The following COMMD10 variants were observed in gnomAD, a reference collection of about 807,000 sequenced individuals.
The protein encoded by COMMD10 is COMM domain containing 10.
Under a neutral mutation model 28.9 loss-of-function variants are expected in COMMD10, and 33 were observed. The ratio of observed to expected loss-of-function variants is 1.14; its 90% confidence interval spans 0.87 to 1.53. The LOEUF (loss-of-function observed/expected upper bound fraction) is 1.53. COMMD10 is among the 40% of genes most tolerant of loss of function. The probability of loss-of-function intolerance (pLI) is 0.00; values close to 1 mark genes in which losing one functional copy is unlikely to be tolerated. For missense variants in COMMD10, 310 were observed against 233.4 expected, an observed-to-expected ratio of 1.33 and a Z score of -2.14; for synonymous variants, 110 against 81.7, an observed-to-expected ratio of 1.35 and a Z score of -1.87.
intron 5 of COMMD10, among the ~76,000 whole-genome samples, chr5:116,207,531 A>AT (rs70978609): frequency 0.59 from 89,588 of 151,208 alleles, 30,636 homozygotes; most frequent in South Asian, 0.77. Context: ...AGTATTTCAG[A>AT]TTTTTTTTTC....
At chr5:116,181,183 G>A (rs1747945754) in intron 5 of COMMD10, among the ~76,000 whole-genome samples, 1 of 151,938 alleles carries the variant, frequency 6.6e-6, no homozygotes, top group South Asian at 2.1e-4. Flanking sequence ...TATTATTGCT[G>A]TACTTTCATT....
Position 116,260,463 on chromosome 5 carries a change from A to G in COMMD10, c.511-31054A>G, listed in dbSNP as rs567055468. Among the ~76,000 whole-genome samples, 23 of 151,976 alleles carry G rather than the reference A, an allele frequency of 1.5e-4. 1 individual carries two copies. The highest frequency in any genetic ancestry group is 5.6e-4 in the African/African-American group (23 of 41,338). On this transcript the variant is annotated intron_variant, in intron 5 of 6. Transcript: ENST00000274458. ...GTTTTGACATATTCAGTGTGGACCC[A>G]TTTAAAGTAGGCATGTTATTTTCAA...
intron 5 of COMMD10, among the ~76,000 whole-genome samples, chr5:116,177,525 A>ACCC (rs11291496): frequency 0.01 from 1,504 of 144,862 alleles, 20 homozygotes; most frequent in African/African-American, 0.037. Flanking sequence ...TGTCTAAGTG[A>ACCC]CCCCCCCCAC....
intron 4 of COMMD10, among the ~76,000 whole-genome samples, chr5:116,115,675 A>G (rs562176860): frequency 4.7e-4 from 72 of 152,256 alleles, no homozygotes; most frequent in Admixed American, 1.3e-3. Flanking sequence ...GTTTAATTTT[A>G]TTCCTGAAAT....
At chr5:116,123,717 C>A (rs1200710653) in intron 4 of COMMD10, among the ~76,000 whole-genome samples, 1 of 151,952 alleles carries the variant, frequency 6.6e-6, no homozygotes, top group Non-Finnish European at 1.5e-5. Context: ...TTTTGGTTGG[C>A]AGGCTATTAA....
intron 5 of COMMD10, among the ~76,000 whole-genome samples, chr5:116,165,378 C>T (rs995117188): frequency 2.0e-5 from 3 of 152,206 alleles, no homozygotes. Flanking sequence ...TTAATAGCCA[C>T]TCACATACAT....
At chr5:116,177,298 T>TC (rs1561650196) in intron 5 of COMMD10, among the ~76,000 whole-genome samples, 1 of 151,646 alleles carries the variant, frequency 6.6e-6, no homozygotes, top group African/African-American at 2.4e-5. Context: ...GACAGCTTTC[T>TC]CTCTCATCTT....
intron 5 of COMMD10, among the ~76,000 whole-genome samples, chr5:116,152,294 A>G (rs1312858467): frequency 6.6e-6 from 1 of 152,024 alleles, no homozygotes; most frequent in Non-Finnish European, 1.5e-5. Flanking sequence ...GAAGAAGAAT[A>G]CCACTTCCTT....
intron 4 of COMMD10, among the ~76,000 whole-genome samples, chr5:116,130,736 A>C (rs1445710449): frequency 1.3e-5 from 2 of 152,038 alleles, no homozygotes; most frequent in East Asian, 1.9e-4. Flanking sequence ...GTGAATGAGT[A>C]ACACAGTCTT....
At chr5:116,157,597 G>A (rs765277653) in intron 5 of COMMD10, among the ~76,000 whole-genome samples, 8 of 152,158 alleles carry the variant, frequency 5.3e-5, no homozygotes, top group Non-Finnish European at 1.0e-4. Context: ...ATCATATTCT[G>A]TTGGCCAAAG....
At chr5:116,270,041 A>G (rs887017481) in intron 5 of COMMD10, among the ~76,000 whole-genome samples, 1 of 7,542 alleles carries the variant, frequency 1.3e-4, no homozygotes, top group Admixed American at 3.8e-3. Flanking sequence ...GTAAATGGAC[A>G]GCATTTAAAA....
intron 5 of COMMD10, among the ~76,000 whole-genome samples, chr5:116,234,465 C>G (rs1267520420): frequency 6.6e-6 from 1 of 152,136 alleles, no homozygotes; most frequent in Admixed American, 6.5e-5. Flanking sequence ...TACATAAATT[C>G]TCATGGTAGC....
intron 4 of COMMD10, among the ~76,000 whole-genome samples, chr5:116,123,165 G>C (rs1326669337): frequency 6.6e-6 from 1 of 151,882 alleles, no homozygotes; most frequent in Non-Finnish European, 1.5e-5. Flanking sequence ...TAGTTTATTG[G>C]AATACCATCA....
At chr5:116,233,055 T>C (rs1306354682) in intron 5 of COMMD10, among the ~76,000 whole-genome samples, 1 of 152,124 alleles carries the variant, frequency 6.6e-6, no homozygotes, top group African/African-American at 2.4e-5. Flanking sequence ...TCAACAAATA[T>C]TTATTGAACG....
At chr5:116,139,510 AT>A (rs1162237846) in intron 5 of COMMD10, among the ~76,000 whole-genome samples, 1 of 151,726 alleles carries the variant, frequency 6.6e-6, no homozygotes, top group East Asian at 1.9e-4. Flanking sequence ...AAATCTTTTC[AT>A]CTTAAAGGTG....
At chr5:116,098,153 T>G (rs1750525628) in intron 4 of COMMD10, among the ~76,000 whole-genome samples, 1 of 152,234 alleles carries the variant, frequency 6.6e-6, no homozygotes, top group African/African-American at 2.4e-5. Flanking sequence ...TCCTTTTATA[T>G]CATGCTACCT....
At chr5:116,183,408 C>T (rs13159102) in intron 5 of COMMD10, among the ~76,000 whole-genome samples, 76,481 of 151,842 alleles carry the variant, frequency 0.5, 21,925 homozygotes, top group Non-Finnish European at 0.65. Context: ...ATTTCAGTGA[C>T]TACATAGACT....
chr5:116,244,079 T>G (rs1213893116), intron 5 of COMMD10, among the ~76,000 whole-genome samples: 1 of 152,164 alleles, frequency 6.6e-6, no homozygotes, highest in Non-Finnish European at 1.5e-5. Context: ...TTGGACTGAT[T>G]CAAGGAATCT....
intron 5 of COMMD10, among the ~76,000 whole-genome samples, chr5:116,241,719 T>A (rs1424604957): frequency 6.6e-6 from 1 of 152,012 alleles, no homozygotes; most frequent in African/African-American, 2.4e-5. Flanking sequence ...TTCTCGCCAT[T>A]CTTCTGCCTT....
Sources: gnomAD v4.1 joint callset for allele counts (sites outside exome capture counted in the v4.1 genomes callset) on GRCh38, gnomAD v4.1.1 for gene constraint, MANE v1.5 for transcripts, NCBI Gene and HGNC (gene_info 2026-07-23, HGNC 2026-07-21) for gene names.